JADE2: variants seen among roughly 807,000 people sequenced by gnomAD.
JADE2 encodes the protein jade family PHD finger 2.
A neutral mutation model predicts 85.7 loss-of-function variants in JADE2; 13 were observed. The observed-to-expected ratio is 0.15, with a 90% confidence interval of 0.10 to 0.24. JADE2 has a LOEUF of 0.24. JADE2 is among the 10% of genes least tolerant of loss of function. The probability of loss-of-function intolerance (pLI) is 1.00; values close to 1 mark genes in which losing one functional copy is unlikely to be tolerated. For synonymous variants in JADE2, 440 were observed against 456.1 expected (o/e 0.96, Z 0.45); for missense variants, 846 against 1,115.9 (o/e 0.76, Z 3.45).
chr5:134,525,008 G>A (rs1760714590), upstream of JADE2, among the ~76,000 whole-genome samples: 1 of 152,226 alleles, frequency 6.6e-6, no homozygotes, highest in Non-Finnish European at 1.5e-5. Context: ...CTGGAGCCCC[G>A]GGGGGCGGGG....
At chr5:134,535,983 A>T (rs1761560682) in intron 2 of JADE2, 68 bp downstream of exon 2, 1 of 1,336,856 alleles carries the variant, frequency 7.5e-7, no homozygotes. Context: ...ACAGGCCCAG[A>T]TGGGAGGAGG....
chr5:134,533,567 T>G (rs1231858969), intron 1 of JADE2: 1 of 985,210 alleles, frequency 1.0e-6, no homozygotes, highest in East Asian at 1.1e-4. Flanking sequence ...TGGAATTCGC[T>G]TACAGGATTG....
rs1225602991 is a variant in JADE2 at position 134,579,147 on chromosome 5, G to A, written c.2335G>A (p.Val779Met). Residue 779 changes from valine (V) to methionine (M), a missense_variant, in exon 12 of 12, where the codon GTG (valine) becomes ATG (methionine). Physicochemically the swap from Val to Met is conservative, Grantham distance 21. Coordinates refer to ENST00000681547, the MANE Select transcript of JADE2 (RefSeq NM_001388185.1). This position sits in a 1 kb window ranked among gnomAD's most constrained non-coding sequence, Gnocchi z 4.6. The stretch of plus-strand genomic sequence containing the variant: ...TGCTGGGATGGGACCACCTTCAGCT[G>A]TGGCTGAGAGGCCCAAGGTCAGCCT... ...PDAGMGPPSAVAERPKVSLHF... is the reference protein window; with the variant it reads ...PDAGMGPPSAMAERPKVSLHF... 1 of 1,614,260 alleles carries A rather than the reference G, an allele frequency of 6.2e-7. No homozygotes were observed. The highest frequency in any genetic ancestry group is 8.5e-7 in the Non-Finnish European group (1 of 1,180,042).
rs570353372 is a variant in JADE2 at position 134,582,488 on chromosome 5, A to G, written c.*3171A>G. The G allele has an allele frequency of 2.0e-5, 3 of 152,410 alleles. No homozygotes were observed. The highest frequency in any genetic ancestry group is 1.9e-4 in the East Asian group (1 of 5,188). 9.4% of individuals were successfully genotyped at this position (152,410 alleles called of 1,614,324 possible). A position where few individuals can be genotyped will look rare whatever the true frequency, so the allele number is the denominator to read the frequency against. ...ATTCAACTGCCCAATTCTAACCAAC[A>G]TTGGCAGCGGCTGAACTTGGCATTT... is the stretch of plus-strand genomic sequence containing the variant. On this transcript the variant is annotated 3_prime_UTR_variant, in exon 12 of 12. Coordinates refer to ENST00000681547, the MANE Select transcript of JADE2 (RefSeq NM_001388185.1).
In JADE2 at chr5:134,550,996, C is replaced by T. The variant is rs11957531; in HGVS notation, c.154-1056C>T. ...GGAGAGTGTCCTTGTTCTTGAGGGA[C>T]CTTGGAAGTCCCAGCTCATGTGAAG... On this transcript the variant is annotated intron_variant, in intron 3 of 11. Coordinates refer to ENST00000681547, the MANE Select transcript of JADE2 (RefSeq NM_001388185.1). 3.3e-5 allele frequency among the ~76,000 whole-genome samples: 5 copies of T among 152,150 alleles called. No homozygotes were observed. The East Asian group carries it at 5.8e-4, about 18-fold the overall frequency.
In JADE2 at chr5:134,538,077, C is replaced by T. The variant is rs758566742; in HGVS notation, c.147C>T (p.Pro49=). 11 of 1,613,302 alleles carry T rather than the reference C, an allele frequency of 6.8e-6. No homozygotes were observed. Among genetic ancestry groups the T allele is most frequent in the Non-Finnish European group, 5.9e-6 (7 of 1,179,240 alleles). ...GGCCCCGACAGAACGAAAAGAAGCC[C>T]TCCGAGGTGGGTAGTGATGAGCTTC... ...SGWPRQNEKK[P]SEVFRTDLIT... Residue 49 remains proline (P), a synonymous_variant, in exon 3 of 12, where the codon CCC becomes CCT. Coordinates refer to ENST00000681547, the MANE Select transcript of JADE2 (RefSeq NM_001388185.1).
chr5:134,531,883 CTTTTTTTTTTTTTT>C (rs1160758941), intron 1 of JADE2, among the ~76,000 whole-genome samples: 13 of 38,478 alleles, frequency 3.4e-4, no homozygotes, highest in Admixed American at 1.3e-3. Flanking sequence ...CCGTGCCTGG[CTTTTTTTTTTTTTT>C]TTTTTTTTTT....
At chr5:134,526,442 T>C (rs1024999542) in intron 1 of JADE2, 8 of 982,604 alleles carry the variant, frequency 8.1e-6, no homozygotes, top group African/African-American at 1.8e-5. Context: ...GGTGGGGAGG[T>C]CGAGCGGCCC....
Position 134,578,961 on chromosome 5 carries a change from C to A in JADE2, c.2149C>A (p.Pro717Thr). 6.2e-7 allele frequency: 1 copy of A among 1,613,216 alleles called. No homozygotes were observed. Among genetic ancestry groups the A allele is most frequent in the Non-Finnish European group, 8.5e-7 (1 of 1,179,862 alleles). The change falls in exon 12 of 12, where the codon CCC (proline) becomes ACC (threonine). Residue 717 changes from proline to threonine, a missense_variant. Physicochemically the swap from Pro to Thr is conservative, Grantham distance 38. Coordinates refer to ENST00000681547, the MANE Select transcript of JADE2 (RefSeq NM_001388185.1). The surrounding 1 kb of genome is among the most constrained non-coding windows in gnomAD (Gnocchi z 4.4). Reference protein sequence around the residue: ...DCPILATPESPPPLAPETPDE... With the variant: ...DCPILATPESTPPLAPETPDE... ...TCCCATCCTAGCCACCCCTGAAAGC[C>A]CCCCGCCACTGGCCCCTGAGACCCC...
In JADE2 at chr5:134,560,799, A is replaced by T; in HGVS notation, c.526A>T (p.Thr176Ser). ...AGAGCGTGTGCTGGAGGAGCTGGAG[A>T]CCCTGTGCCACCAGAATATGGCCAG... ...TLERVLEELE[T>S]LCHQNMARAI... Residue 176 changes from threonine (T) to serine (S), a missense_variant, in exon 6 of 12, where the codon ACC (threonine) becomes TCC (serine). Transcript: ENST00000681547. 1.2e-6 allele frequency: 2 copies of T among 1,614,068 alleles called. No homozygotes were observed. Among genetic ancestry groups the T allele is most frequent in the Non-Finnish European group, 1.7e-6 (2 of 1,180,010 alleles).
At chr5:134,527,514 C>T in intron 1 of JADE2, among the ~76,000 whole-genome samples, 1 of 152,028 alleles carries the variant, frequency 6.6e-6, no homozygotes, top group East Asian at 2.0e-4. Context: ...GCTCGGCTGC[C>T]CTTCCCGGTG....
At position 134,525,806 on chromosome 5, in the gene JADE2, G is replaced by A. The variant is rs1760770287; in HGVS notation, c.-206G>A. ...AGCGGCACCGGCTTAGGTCCTGCGG[G>A]CCGACCGTCCCCGGCGGGGGGCGTG... On this transcript the variant is annotated 5_prime_UTR_variant, in exon 1 of 12. Coordinates refer to ENST00000681547, the MANE Select transcript of JADE2 (RefSeq NM_001388185.1). 7.8e-6 allele frequency: 8 copies of A among 1,020,856 alleles called. No homozygotes were observed. Among genetic ancestry groups the A allele is most frequent in the Non-Finnish European group, 4.7e-6 (4 of 849,724 alleles). The allele number at this position is 1,020,856 out of a possible 1,614,324, so 63.2% of individuals were successfully genotyped here.
At chr5:134,563,027 A>AC (rs761188820) in intron 7 of JADE2, among the ~76,000 whole-genome samples, 32 of 152,286 alleles carry the variant, frequency 2.1e-4, no homozygotes, top group Admixed American at 1.4e-3. Flanking sequence ...AAGTCAAGCC[A>AC]CATGTTCAAA....
At chr5:134,544,176 G>A (rs1762150925) in intron 3 of JADE2, among the ~76,000 whole-genome samples, 2 of 152,248 alleles carry the variant, frequency 1.3e-5, no homozygotes, top group South Asian at 2.1e-4. Flanking sequence ...CAGCCAGTGG[G>A]CAGAGGCCTG....
intron 10 of JADE2, among the ~76,000 whole-genome samples, chr5:134,576,383 A>AC (rs1258031252): frequency 6.6e-6 from 1 of 151,888 alleles, no homozygotes; most frequent in Non-Finnish European, 1.5e-5. Flanking sequence ...AAGCCTCTTG[A>AC]CCCCTCAGGT....
intron 10 of JADE2, chr5:134,574,613 C>A (rs329324): frequency 2.6e-5 from 4 of 152,400 alleles, no homozygotes; most frequent in African/African-American, 7.2e-5. Context: ...ACTTCTGCCC[C>A]AGAGCTGAGC....
At chr5:134,527,661 C>T (rs1440891332) in intron 1 of JADE2, among the ~76,000 whole-genome samples, 1 of 151,610 alleles carries the variant, frequency 6.6e-6, no homozygotes, top group Non-Finnish European at 1.5e-5. Context: ...CTCCCGGCTC[C>T]GGCGGTCGGA....
chr5:134,539,442 A>G (rs1372147063), intron 3 of JADE2, among the ~76,000 whole-genome samples: 8 of 148,786 alleles, frequency 5.4e-5, no homozygotes, highest in East Asian at 2.0e-4. Flanking sequence ...CAGGTGATCC[A>G]CCTGCCTCGG....
intron 4 of JADE2, among the ~76,000 whole-genome samples, chr5:134,555,700 A>G (rs1262832338): frequency 6.6e-6 from 1 of 152,266 alleles, no homozygotes; most frequent in East Asian, 1.9e-4. Context: ...CTTAGGGCAC[A>G]ATCAAAGCTG....
Sources: allele counts gnomAD v4.1 joint callset (sites outside exome capture counted in the v4.1 genomes callset), GRCh38; gene constraint gnomAD v4.1.1; non-coding constraint Gnocchi (gnomAD v3.1); transcripts MANE v1.5; gene names NCBI Gene and HGNC (gene_info 2026-07-23, HGNC 2026-07-21).